The following COL11A1 variants were observed in gnomAD, a reference collection of about 807,000 sequenced individuals.
COL11A1 encodes collagen alpha-1(XI) chain.
A neutral mutation model predicts 265.2 loss-of-function variants in COL11A1; 74 were observed. The ratio of observed to expected loss-of-function variants is 0.28; its 90% confidence interval spans 0.23 to 0.34. The LOEUF is 0.34. Among genes scored for constraint, COL11A1 ranks in the 10% least tolerant of loss-of-function variants. The pLI, the probability that COL11A1 is intolerant of heterozygous loss-of-function variation, is 1.00. For synonymous variants in COL11A1, 816 were observed against 727.6 expected (o/e 1.12, Z -1.96); for missense variants, 2,165 against 2,263.6 (o/e 0.96, Z 0.88).
In COL11A1 at chr1:102,879,737, C is replaced by T; in HGVS notation, c.5220G>A (p.Glu1740=). The T allele has an allele frequency of 1.9e-6, 3 of 1,613,972 alleles. No homozygotes were observed. The highest frequency in any genetic ancestry group is 2.5e-6 in the Non-Finnish European group (3 of 1,179,904). Residue 1740 remains glutamate, a synonymous_variant, in exon 66 of 67, where the codon GAG becomes GAA. Transcript: ENST00000370096. ...KALRFLGSND[E]EMSYDNNPFI... ...AAGGATTATTGTCATAGGACATCTC[C>T]TCATCATTTGATCCCAGGAAGCGAA...
At chr1:103,038,469 C>T (rs1273646611) in intron 4 of COL11A1, among the ~76,000 whole-genome samples, 5 of 151,752 alleles carry the variant, frequency 3.3e-5, no homozygotes, top group Admixed American at 6.6e-5. Context: ...GACTCTTTCT[C>T]CAAAAAGAGA....
chr1:103,014,084 C>T (rs1447509936), intron 13 of COL11A1, among the ~76,000 whole-genome samples: 1 of 151,686 alleles, frequency 6.6e-6, no homozygotes, highest in African/African-American at 2.4e-5. Flanking sequence ...CTGTGTTATC[C>T]ATGATATGTT....
intron 4 of COL11A1, among the ~76,000 whole-genome samples, chr1:103,074,169 A>G (rs1009354964): frequency 6.6e-6 from 1 of 152,090 alleles, no homozygotes; most frequent in Admixed American, 6.6e-5. Flanking sequence ...TGATTTAAAC[A>G]CTTAAAATTT....
chr1:103,027,437 ATATATATG>A (rs1667629578), intron 5 of COL11A1, among the ~76,000 whole-genome samples: 2 of 83,590 alleles, frequency 2.4e-5, no homozygotes, highest in Admixed American at 1.4e-4. Flanking sequence ...ATATATATAT[ATATATATG>A]CATGCATGCC....
intron 4 of COL11A1, among the ~76,000 whole-genome samples, chr1:103,055,595 G>A (rs183147613): frequency 7.9e-4 from 121 of 152,250 alleles, no homozygotes; most frequent in African/African-American, 2.8e-3. Context: ...GGAAGATGAG[G>A]CAAGAGCAAG....
intron 1 of COL11A1, among the ~76,000 whole-genome samples, chr1:103,086,250 A>G (rs1398467098): frequency 6.6e-6 from 1 of 152,162 alleles, no homozygotes; most frequent in Non-Finnish European, 1.5e-5. Flanking sequence ...CCATTCTCCA[A>G]AGTAGAACTG....
chr1:103,026,028 A>T, intron 6 of COL11A1, 188 bp downstream of exon 6: 1 of 1,475,358 alleles, frequency 6.8e-7, no homozygotes, highest in Non-Finnish European at 9.5e-7. Flanking sequence ...GATGAAAGGA[A>T]GGCTAAGCAA....
At chr1:102,986,040 CTCTA>C (rs1663507424) in intron 30 of COL11A1, among the ~76,000 whole-genome samples, 1 of 152,078 alleles carries the variant, frequency 6.6e-6, no homozygotes, top group Non-Finnish European at 1.5e-5. Context: ...TATTCACACT[CTCTA>C]TCTAATACCT....
intron 46 of COL11A1, among the ~76,000 whole-genome samples, chr1:102,928,499 A>C (rs2101126260): frequency 6.6e-6 from 1 of 152,224 alleles, no homozygotes; most frequent in African/African-American, 2.4e-5. Context: ...CCAGTCTATC[A>C]TTGTTGGACA....
chr1:103,037,373 T>A (rs928585337), intron 4 of COL11A1, among the ~76,000 whole-genome samples: 1 of 151,992 alleles, frequency 6.6e-6, no homozygotes, highest in Admixed American at 6.6e-5. Context: ...GTGCTAAGGA[T>A]CTGAATTTCA....
At position 102,898,751 on chromosome 1, in the gene COL11A1, G is replaced by A; in HGVS notation, c.4163C>T (p.Pro1388Leu). The A allele has an allele frequency of 6.2e-7, 1 of 1,613,186 alleles. No homozygotes were observed. Among genetic ancestry groups the A allele is most frequent in the Non-Finnish European group, 8.5e-7 (1 of 1,179,520 alleles). Residue 1388 changes from proline to leucine, a missense_variant, in exon 56 of 67, where the codon CCT becomes CTT. Transcript: ENST00000370096. ...ACCGACTGGGCCGGTTTTTCCAGGA[G>A]GACCTTCTGCACCTGCTTCCCCCTG... Reference protein sequence around the residue: ...GAKGEAGAEGPPGKTGPVGPQ... With the variant: ...GAKGEAGAEGLPGKTGPVGPQ...
chr1:103,007,518 A>T (rs1665730491), intron 15 of COL11A1, among the ~76,000 whole-genome samples: 1 of 152,124 alleles, frequency 6.6e-6, no homozygotes, highest in Non-Finnish European at 1.5e-5. Flanking sequence ...AATATAAATA[A>T]TTTTTATAAT....
chr1:102,879,984 CACTGCAGACAGTGA>C (rs1650028427), intron 65 of COL11A1, 68 bp from the exon 66 acceptor site: 1 of 1,037,562 alleles, frequency 9.6e-7, no homozygotes, highest in East Asian at 2.5e-5. Flanking sequence ...AGAATTAAAT[CACTGCAGACAGTGA>C]ACTGTGATGC....
chr1:102,964,781 G>A (rs981902091), intron 38 of COL11A1, among the ~76,000 whole-genome samples: 1 of 152,184 alleles, frequency 6.6e-6, no homozygotes, highest in Non-Finnish European at 1.5e-5. Flanking sequence ...ATTAGCAGGG[G>A]CTAAATTCCA....
chr1:102,925,961 G>T (rs1247855229), intron 46 of COL11A1, among the ~76,000 whole-genome samples: 1 of 151,812 alleles, frequency 6.6e-6, no homozygotes, highest in Non-Finnish European at 1.5e-5. Context: ...CAAATTAAAA[G>T]GTATGTCAAT....
At chr1:103,063,693 G>T (rs75670193) in intron 4 of COL11A1, among the ~76,000 whole-genome samples, 3,577 of 152,148 alleles carry the variant, frequency 0.024, 155 homozygotes, top group African/African-American at 0.082. Flanking sequence ...TTCCATGAAA[G>T]AATTTATTGA....
intron 50 of COL11A1, 103 bp downstream of exon 50, chr1:102,915,528 A>G: frequency 1.0e-6 from 1 of 975,180 alleles, no homozygotes. Context: ...GGGAAGGGAA[A>G]GTAAAATTCG....
Position 102,898,145 on chromosome 1 carries a change from C to T in COL11A1, c.4282G>A (p.Asp1428Asn), listed in dbSNP as rs542016016. Residue 1428 changes from aspartate (D) to asparagine (N), a missense_variant, in exon 57 of 67, where the codon GAT (aspartate) becomes AAT (asparagine). Transcript: ENST00000370096. Reference sequence around the variant, plus strand: ...CTCACCATAGGACCAGGTGGTCCATCTTGGCCTGCAGCTCCAGGGAGACCT... The same window carrying T: ...CTCACCATAGGACCAGGTGGTCCATTTTGGCCTGCAGCTCCAGGGAGACCT... ...EQGLPGAAGQ[D>N]GPPGPMGPPG... The T allele has an allele frequency of 2.0e-6, 3 of 1,537,630 alleles. No homozygotes were observed. Among genetic ancestry groups the T allele is most frequent in the East Asian group, 4.8e-5 (2 of 41,708 alleles).
intron 41 of COL11A1, among the ~76,000 whole-genome samples, chr1:102,953,910 G>A (rs1054269053): frequency 6.6e-6 from 1 of 152,016 alleles, no homozygotes; most frequent in Non-Finnish European, 1.5e-5. Context: ...TCAAAGGAGG[G>A]ACTAAAAATT....
Sources: allele counts gnomAD v4.1 joint callset (sites outside exome capture counted in the v4.1 genomes callset), GRCh38; gene constraint gnomAD v4.1.1; transcripts MANE v1.5; gene names NCBI Gene and HGNC (gene_info 2026-07-23, HGNC 2026-07-21).